KYNU: variants seen among roughly 807,000 people sequenced by gnomAD.
KYNU encodes the protein kynureninase.
KYNU carries 54 observed loss-of-function variants against 59.2 expected under a neutral mutation model. The observed-to-expected ratio is 0.91, with a 90% CI of 0.73 to 1.14. The LOEUF (loss-of-function observed/expected upper bound fraction) is 1.14, where lower values mean the gene tolerates loss of function less well. Among genes scored for constraint, KYNU ranks in the 50% most tolerant of loss-of-function variants. The probability of loss-of-function intolerance (pLI) is 0.00; values close to 1 mark genes in which losing one functional copy is unlikely to be tolerated. For synonymous variants in KYNU, 177 were observed against 192.0 expected, an observed-to-expected ratio of 0.92 and a Z score of 0.65; for missense variants, 567 against 554.4, an observed-to-expected ratio of 1.02 and a Z score of -0.23.
chr2:142,978,456 TCATACTC>T (rs1684951633), intron 8 of KYNU, among the ~76,000 whole-genome samples: 1 of 152,134 alleles, frequency 6.6e-6, no homozygotes, highest in Non-Finnish European at 1.5e-5. Context: ...ACAAAGAAGG[TCATACTC>T]CATGTTAATA....
chr2:142,933,751 A>G (rs1228841657), intron 4 of KYNU, among the ~76,000 whole-genome samples: 2 of 151,856 alleles, frequency 1.3e-5, no homozygotes, highest in Non-Finnish European at 2.9e-5. Flanking sequence ...ATTGAAGGAG[A>G]GTGGATGGTT....
intron 10 of KYNU, among the ~76,000 whole-genome samples, chr2:143,002,825 C>A (rs180803147): frequency 6.6e-6 from 1 of 152,196 alleles, no homozygotes; most frequent in Non-Finnish European, 1.5e-5. Flanking sequence ...ACATTATGTG[C>A]ATAAAATTTC....
In KYNU at chr2:143,052,550, C is replaced by T. The variant is rs1312420608; in HGVS notation, c.*10378C>T. On this transcript the variant is annotated 3_prime_UTR_variant, in exon 14 of 14. Coordinates refer to ENST00000264170, the MANE Select transcript of KYNU (RefSeq NM_003937.3). ...TCTAGGGACTTGGTGCCCTGTGTCC[C>T]AGCAGCTCCATCCATGACTAAAAGG... The T allele has an allele frequency of 6.6e-6, 1 of 152,246 alleles. No individual in the cohort carries two copies. Among genetic ancestry groups the T allele is most frequent in the Non-Finnish European group, 1.5e-5 (1 of 68,106 alleles). 9.4% of individuals were successfully genotyped at this position (152,246 alleles called of 1,614,324 possible).
chr2:142,924,535 C>T (rs1042235001), intron 3 of KYNU, among the ~76,000 whole-genome samples: 2 of 152,170 alleles, frequency 1.3e-5, no homozygotes, highest in African/African-American at 4.8e-5. Context: ...GGCCATTTTT[C>T]ACTTTGTGGG....
Position 142,885,493 on chromosome 2 carries a change from C to G in KYNU, c.126C>G (p.Phe42Leu). Reference protein sequence around the residue: ...HLDEEDKLRHFRECFYIPKIQ... With the variant: ...HLDEEDKLRHLRECFYIPKIQ... The stretch of plus-strand genomic sequence containing the variant: ...ATGAGGAAGATAAGCTGAGGCACTT[C>G]AGGGAGTGCTTTTATATTCCCAAAA... Residue 42 changes from phenylalanine (F) to leucine (L), a missense_variant, in exon 2 of 14, where the codon TTC (phenylalanine) becomes TTG (leucine). Coordinates refer to ENST00000264170, the MANE Select transcript of KYNU (RefSeq NM_003937.3). 1 of 1,613,956 alleles carries G rather than the reference C, an allele frequency of 6.2e-7. No homozygotes were observed. The highest frequency in any genetic ancestry group is 8.5e-7 in the Non-Finnish European group (1 of 1,180,004).
At chr2:142,884,688 C>CTTTT (rs70997529) in intron 1 of KYNU, among the ~76,000 whole-genome samples, 34 of 77,026 alleles carry the variant, frequency 4.4e-4, no homozygotes, top group South Asian at 1.8e-3. Flanking sequence ...TTCTCTTTTC[C>CTTTT]TTTTTTTTTT....
At chr2:142,906,253 AC>A (rs1682293761) in intron 2 of KYNU, among the ~76,000 whole-genome samples, 1 of 152,172 alleles carries the variant, frequency 6.6e-6, no homozygotes, top group Non-Finnish European at 1.5e-5. Flanking sequence ...GTTGTTGTAG[AC>A]CCAGTTCCAG....
At chr2:142,938,141 G>C (rs952356428) in intron 4 of KYNU, among the ~76,000 whole-genome samples, 25 of 152,128 alleles carry the variant, frequency 1.6e-4, no homozygotes, top group African/African-American at 5.6e-4. Flanking sequence ...GGATATATCT[G>C]TTTCCTTGAA....
chr2:142,899,361 CTT>C (rs1475568183), intron 2 of KYNU, among the ~76,000 whole-genome samples: 1 of 152,146 alleles, frequency 6.6e-6, no homozygotes, highest in Non-Finnish European at 1.5e-5. Flanking sequence ...AGTGAGCCCT[CTT>C]TACTACCCGA....
intron 2 of KYNU, among the ~76,000 whole-genome samples, chr2:142,895,971 T>C (rs143341617): frequency 6.6e-6 from 1 of 152,366 alleles, no homozygotes; most frequent in East Asian, 1.9e-4. Context: ...TGTGAGCTAC[T>C]GCATCTTTCC....
chr2:142,948,765 C>A (rs1172410583), intron 4 of KYNU, among the ~76,000 whole-genome samples: 1 of 152,176 alleles, frequency 6.6e-6, no homozygotes, highest in Non-Finnish European at 1.5e-5. Flanking sequence ...ATCATTCCAC[C>A]TTTGGCCCCT....
At chr2:143,027,160 A>C (rs1400147964) in intron 10 of KYNU, among the ~76,000 whole-genome samples, 1 of 152,180 alleles carries the variant, frequency 6.6e-6, no homozygotes, top group East Asian at 1.9e-4. Flanking sequence ...CTAATACACA[A>C]ATCTTGGTGT....
At chr2:142,907,945 A>G (rs1388439489) in intron 2 of KYNU, among the ~76,000 whole-genome samples, 3 of 152,244 alleles carry the variant, frequency 2.0e-5, no homozygotes, top group Non-Finnish European at 4.4e-5. Context: ...AAAAAAAATT[A>G]GAGCTTACCT....
chr2:142,885,329 G>T lies in KYNU; in HGVS notation c.-19-20G>T. 1 of 1,601,896 alleles carries T rather than the reference G, an allele frequency of 6.2e-7. No individual in the cohort carries two copies. Among genetic ancestry groups the T allele is most frequent in the East Asian group, 2.2e-5 (1 of 44,746 alleles). On this transcript the variant is annotated intron_variant, in intron 1 of 13. Coordinates refer to ENST00000264170, the MANE Select transcript of KYNU (RefSeq NM_003937.3). ...AGGAAAATTATGGTGGCTAGATTAT[G>T]TTTTATTATTCTCTTTCAGTTTTAG...
At chr2:142,965,460 G>A (rs1573849124) in intron 8 of KYNU, among the ~76,000 whole-genome samples, 1 of 152,060 alleles carries the variant, frequency 6.6e-6, no homozygotes, top group Non-Finnish European at 1.5e-5. Context: ...GGGGCTGCTG[G>A]GGTCCACTCA....
chr2:142,960,749 C>T lies in KYNU; in HGVS notation c.708C>T (p.Ile236=). The T allele has an allele frequency of 6.2e-7, 1 of 1,614,012 alleles. No homozygotes were observed. Among genetic ancestry groups the T allele is most frequent in the Non-Finnish European group, 8.5e-7 (1 of 1,179,978 alleles). Residue 236 remains isoleucine, a synonymous_variant, in exon 8 of 14, where the codon ATC becomes ATT. Transcript: ENST00000264170. ...YTGQHFNIPA[I]TKAGQAKGCY... ...GACAGCACTTTAATATTCCTGCCAT[C>T]ACAAAAGCTGGACAAGCGAAGGTAT...
rs147649847 is a variant in KYNU, at chr2:143,036,392, T to C, written c.1041+3071T>C. On this transcript the variant is annotated intron_variant, in intron 12 of 13. Transcript: ENST00000264170. Reference sequence around the variant, plus strand: ...CCATTCTGTATTTGTCCCGATTGGCTAGTAACTTAGAACTTTTTAAAAGAC... The same window carrying C: ...CCATTCTGTATTTGTCCCGATTGGCCAGTAACTTAGAACTTTTTAAAAGAC... 4.9e-3 allele frequency among the ~76,000 whole-genome samples: 746 copies of C among 152,124 alleles called. 3 individuals carry two copies. Among genetic ancestry groups the C allele is most frequent in the Non-Finnish European group, 8.1e-3 (550 of 67,998 alleles).
intron 10 of KYNU, among the ~76,000 whole-genome samples, chr2:143,026,437 C>G: frequency 6.6e-6 from 1 of 152,350 alleles, no homozygotes; most frequent in South Asian, 2.1e-4. Context: ...CAGCCCCGCT[C>G]GCTGCTCTCA....
At chr2:142,918,052 AAGT>A (rs1682723927) in intron 2 of KYNU, among the ~76,000 whole-genome samples, 1 of 152,218 alleles carries the variant, frequency 6.6e-6, no homozygotes, top group African/African-American at 2.4e-5. Context: ...TATGAATAAG[AAGT>A]AGATGTAGAA....
Sources: gnomAD v4.1 joint callset for allele counts (sites outside exome capture counted in the v4.1 genomes callset) on GRCh38, gnomAD v4.1.1 for gene constraint, MANE v1.5 for transcripts, NCBI Gene and HGNC (gene_info 2026-07-23, HGNC 2026-07-21) for gene names.